TCERG1L: variants seen among roughly 807,000 people sequenced by gnomAD.
TCERG1L encodes the protein transcription elongation regulator 1-like protein.
Under a neutral mutation model 56.3 loss-of-function variants are expected in TCERG1L, and 37 were observed. The observed-to-expected ratio is 0.66, with a 90% CI of 0.51 to 0.87. The LOEUF is 0.87. Among genes scored for constraint, TCERG1L ranks in the 40% least tolerant of loss-of-function variants. TCERG1L has a pLI of 0.00. For missense variants in TCERG1L, 799 were observed against 774.2 expected, an observed-to-expected ratio of 1.03 and a Z score of -0.38; for synonymous variants, 324 against 326.3, an observed-to-expected ratio of 0.99 and a Z score of 0.08.
At chr10:131,109,519 G>A (rs886434014) in intron 9 of TCERG1L, among the ~76,000 whole-genome samples, 1 of 152,276 alleles carries the variant, frequency 6.6e-6, no homozygotes. Flanking sequence ...CGCTGGAGCC[G>A]CCTCAGTGGG....
Position 131,289,143 on chromosome 10 carries a change from G to GT in TCERG1L, c.670+19067_670+19068insA, listed in dbSNP as rs1391165927. ...ATTGCTTCGCTATAGTAAAAGTCTTGATTTTTTTTTTTTTTAATCAAGCAT... is the reference window on the plus strand; with the variant it reads ...ATTGCTTCGCTATAGTAAAAGTCTTGTATTTTTTTTTTTTTTAATCAAGCAT... On this transcript the variant is annotated intron_variant, in intron 3 of 11. Coordinates refer to ENST00000368642, the MANE Select transcript of TCERG1L (RefSeq NM_174937.4). Among the ~76,000 whole-genome samples the GT allele has an allele frequency of 1.6e-4, 17 of 106,094 alleles. No homozygotes were observed. In the Admixed American group the frequency reaches 1.7e-3, roughly 10 times the overall value. The allele number at this position is 106,094 out of a possible 152,430, so 69.6% of individuals were successfully genotyped here. A position where few individuals can be genotyped will look rare whatever the true frequency, so the allele number is the denominator to read the frequency against.
At chr10:131,236,447 A>T (rs1231263301) in intron 4 of TCERG1L, among the ~76,000 whole-genome samples, 1 of 152,226 alleles carries the variant, frequency 6.6e-6, no homozygotes, top group Non-Finnish European at 1.5e-5. Flanking sequence ...CACAAACCGC[A>T]TGATGTGGCC....
At chr10:131,264,283 C>A (rs566672323) in intron 3 of TCERG1L, among the ~76,000 whole-genome samples, 18 of 152,304 alleles carry the variant, frequency 1.2e-4, no homozygotes, top group African/African-American at 4.1e-4. Context: ...AGCAGCCCTG[C>A]CAGAGCACAG....
chr10:131,096,628 C>T (rs139735197), intron 11 of TCERG1L, among the ~76,000 whole-genome samples: 5 of 152,240 alleles, frequency 3.3e-5, no homozygotes, highest in Middle Eastern at 3.4e-3. Flanking sequence ...AGGCCAGGCG[C>T]GGTGGCTCAT....
At chr10:131,172,647 C>T (rs977061482) in intron 4 of TCERG1L, among the ~76,000 whole-genome samples, 4 of 152,232 alleles carry the variant, frequency 2.6e-5, no homozygotes, top group Non-Finnish European at 4.4e-5. Flanking sequence ...CCAGCTCACG[C>T]GAGCCTTGCT....
chr10:131,227,510 A>C (rs1845804421), intron 4 of TCERG1L, among the ~76,000 whole-genome samples: 1 of 152,154 alleles, frequency 6.6e-6, no homozygotes, highest in Non-Finnish European at 1.5e-5. Context: ...CACACACCTA[A>C]TATAGACCTG....
intron 4 of TCERG1L, among the ~76,000 whole-genome samples, chr10:131,257,998 T>G (rs1846191676): frequency 6.6e-6 from 1 of 152,256 alleles, no homozygotes; most frequent in Non-Finnish European, 1.5e-5. Context: ...GAGCAAACTT[T>G]GGAGTGAGCT....
chr10:131,311,391 G>A lies in TCERG1L; in HGVS notation c.245C>T (p.Ala82Val). Residue 82 changes from alanine to valine, a missense_variant, in exon 1 of 12, where the codon GCC (alanine) becomes GTC (valine). Transcript: ENST00000368642. The surrounding 1 kb of genome is among the most constrained non-coding windows in gnomAD (Gnocchi z 4.0). ...PLLPGLPGWP[A>V]PSEPVLPLLP... The stretch of plus-strand genomic sequence containing the variant: ...CAGCGGGAGCACCGGCTCGCTCGGG[G>A]CCGGCCAGCCGGGGAGACCGGGGAG... The A allele has an allele frequency of 1.7e-6, 2 of 1,188,304 alleles. No individual in the cohort carries two copies. Among genetic ancestry groups the A allele is most frequent in the Non-Finnish European group, 2.1e-6 (2 of 961,354 alleles). The allele number at this position is 1,188,304 out of a possible 1,614,324, so 73.6% of individuals were successfully genotyped here.
intron 3 of TCERG1L, among the ~76,000 whole-genome samples, chr10:131,298,117 G>T (rs1846718263): frequency 1.4e-5 from 2 of 143,052 alleles, no homozygotes; most frequent in Admixed American, 7.0e-5. Flanking sequence ...GTTTCTTAAG[G>T]TTAAGCTTAG....
intron 3 of TCERG1L, among the ~76,000 whole-genome samples, chr10:131,292,790 T>G (rs1055724845): frequency 3.0e-4 from 2 of 6,734 alleles, no homozygotes; most frequent in Non-Finnish European, 1.4e-3. Flanking sequence ...TTTAATGTGT[T>G]TTTTTTTTCA....
chr10:131,107,054 T>A (rs1161631804), intron 9 of TCERG1L, among the ~76,000 whole-genome samples: 5 of 139,922 alleles, frequency 3.6e-5, no homozygotes, highest in Non-Finnish European at 6.2e-5. Context: ...TTCGACTGAG[T>A]GCCATTGCTG....
Position 131,110,387 on chromosome 10 carries a change from T to C in TCERG1L, c.1396-6033A>G, listed in dbSNP as rs1025251216. On this transcript the variant is annotated intron_variant, in intron 9 of 11. Coordinates refer to ENST00000368642, the MANE Select transcript of TCERG1L (RefSeq NM_174937.4). ...GTGAGTCCACAATTCAGCTGAGTGC[T>C]TGTGGCCCTGGTGGTCTCACCCCGG... Among the ~76,000 whole-genome samples, 13 of 152,316 alleles carry C rather than the reference T, an allele frequency of 8.5e-5. 1 individual carries two copies. Among genetic ancestry groups the C allele is most frequent in the Admixed American group, 8.5e-4 (13 of 15,304 alleles).
intron 8 of TCERG1L, among the ~76,000 whole-genome samples, chr10:131,120,870 G>T (rs965165695): frequency 6.6e-6 from 1 of 152,184 alleles, no homozygotes. Flanking sequence ...GCTTGCAGGT[G>T]CGGTGTGTCC....
At chr10:131,292,814 C>T (rs75689233) in intron 3 of TCERG1L, among the ~76,000 whole-genome samples, 2,956 of 150,284 alleles carry the variant, frequency 0.02, 71 homozygotes, top group East Asian at 0.077. Flanking sequence ...AATGTGTTTT[C>T]GTGTCCATGA....
chr10:131,250,047 A>G (rs34300331), intron 4 of TCERG1L, among the ~76,000 whole-genome samples: 13,697 of 152,224 alleles, frequency 0.09, 679 homozygotes, highest in East Asian at 0.22. Context: ...AAGCCACACG[A>G]TTTGAGTCAC....
intron 6 of TCERG1L, among the ~76,000 whole-genome samples, chr10:131,158,293 T>C (rs183615038): frequency 3.3e-4 from 51 of 152,350 alleles, no homozygotes; most frequent in Non-Finnish European, 5.6e-4. Flanking sequence ...AGCAGGTGCA[T>C]ATCAGAAAAA....
At chr10:131,141,678 C>T (rs570015044) in intron 7 of TCERG1L, among the ~76,000 whole-genome samples, 22 of 152,230 alleles carry the variant, frequency 1.4e-4, no homozygotes, top group Non-Finnish European at 2.6e-4. Context: ...CTTCCCCTCC[C>T]TTCCCTTTCT....
chr10:131,192,172 C>T (rs971284877), intron 4 of TCERG1L, among the ~76,000 whole-genome samples: 1 of 142,710 alleles, frequency 7.0e-6, no homozygotes, highest in Non-Finnish European at 1.5e-5. Context: ...GAACTCAAAC[C>T]ACCAAGGAAA....
At chr10:131,285,514 AAGAAAGAAAGAG>A (rs779550272) in intron 3 of TCERG1L, among the ~76,000 whole-genome samples, 4,869 of 22,612 alleles carry the variant, frequency 0.22, 436 homozygotes, top group South Asian at 0.41. Flanking sequence ...GAAAGAAAGA[AAGAAAGAAAGAG>A]AGAAAGAAAA....
Sources: allele counts gnomAD v4.1 joint callset (sites outside exome capture counted in the v4.1 genomes callset), GRCh38; gene constraint gnomAD v4.1.1; non-coding constraint Gnocchi (gnomAD v3.1); transcripts MANE v1.5; gene names NCBI Gene and HGNC (gene_info 2026-07-23, HGNC 2026-07-21).